REV3L: variants seen among roughly 807,000 people sequenced by gnomAD.
REV3L encodes the protein DNA polymerase zeta catalytic subunit.
A neutral mutation model predicts 299.4 loss-of-function variants in REV3L; 69 were observed. That is an observed-to-expected ratio of 0.23 (90% CI 0.19 to 0.28). The LOEUF (loss-of-function observed/expected upper bound fraction) is 0.28. REV3L is among the 10% of genes least tolerant of loss of function. The probability of loss-of-function intolerance (pLI) is 1.00; values close to 1 mark genes in which losing one functional copy is unlikely to be tolerated. For synonymous variants in REV3L, 1,238 were observed against 1,271.4 expected, an observed-to-expected ratio of 0.97 and a Z score of 0.56; for missense variants, 3,128 against 3,693.8, an observed-to-expected ratio of 0.85 and a Z score of 3.97.
At chr6:111,316,702 T>C (rs1400377513) in intron 26 of REV3L, among the ~76,000 whole-genome samples, 1 of 151,724 alleles carries the variant, frequency 6.6e-6, no homozygotes, top group African/African-American at 2.4e-5. Context: ...AGACATATAT[T>C]CTGTAATGTA....
chr6:111,374,309 T>C lies in REV3L; in HGVS notation c.4046A>G (p.Lys1349Arg), dbSNP rs780017917. The change falls in exon 13 of 32, where the codon AAG becomes AGG. Residue 1349 changes from lysine to arginine, a missense_variant. Lys to Arg is a conservative substitution (Grantham distance 26). Coordinates refer to ENST00000368802, the MANE Select transcript of REV3L (RefSeq NM_001372078.1). The stretch of plus-strand genomic sequence containing the variant: ...ATTTTTTTGAATTAACGTTGATTCC[T>C]TTAGAGTAAACATAGCACTTTGATT... ...PHNQSAMFTLKESTLIQKNIF... is the reference protein window; with the variant it reads ...PHNQSAMFTLRESTLIQKNIF... 1.2e-6 allele frequency: 2 copies of C among 1,614,016 alleles called. No homozygotes were observed. Among genetic ancestry groups the C allele is most frequent in the Non-Finnish European group, 1.7e-6 (2 of 1,179,940 alleles).
At chr6:111,431,361 A>C in intron 1 of REV3L, 1 of 993,262 alleles carries the variant, frequency 1.0e-6, no homozygotes, top group Non-Finnish European at 1.6e-6. Flanking sequence ...CTGGACTCCA[A>C]TACTTCAAGA....
intron 1 of REV3L, among the ~76,000 whole-genome samples, chr6:111,472,738 T>A (rs1044192048): frequency 6.6e-6 from 1 of 152,062 alleles, no homozygotes; most frequent in African/African-American, 2.4e-5. Flanking sequence ...AATGAAATAT[T>A]TAAAAACCCA....
At chr6:111,387,631 G>T in intron 9 of REV3L, 134 bp downstream of exon 9, 1 of 756,486 alleles carries the variant, frequency 1.3e-6, no homozygotes, top group Non-Finnish European at 2.1e-6. Context: ...TGACAGAATG[G>T]GAGAAATTTT....
chr6:111,412,087 A>G (rs1784307129), intron 2 of REV3L: 1 of 984,984 alleles, frequency 1.0e-6, no homozygotes, highest in Non-Finnish European at 1.2e-6. Flanking sequence ...ATTATTTTAT[A>G]AGTTCAATAA....
intron 1 of REV3L, among the ~76,000 whole-genome samples, chr6:111,473,656 G>A (rs1033065856): frequency 6.6e-6 from 1 of 151,934 alleles, no homozygotes; most frequent in African/African-American, 2.4e-5. Context: ...ATTAGATACA[G>A]TAGGGTCTCA....
At chr6:111,319,358 G>C (rs1773881817) in intron 26 of REV3L, among the ~76,000 whole-genome samples, 1 of 152,096 alleles carries the variant, frequency 6.6e-6, no homozygotes, top group Non-Finnish European at 1.5e-5. Context: ...CTACTCAGGA[G>C]GCTGAGGCAG....
chr6:111,463,794 T>C (rs760485333), intron 1 of REV3L, among the ~76,000 whole-genome samples: 1 of 152,228 alleles, frequency 6.6e-6, no homozygotes, highest in African/African-American at 2.4e-5. Flanking sequence ...TCCAAGAACC[T>C]GTCATGGACA....
At chr6:111,432,035 C>A (rs938297879) in intron 1 of REV3L, among the ~76,000 whole-genome samples, 12 of 151,944 alleles carry the variant, frequency 7.9e-5, no homozygotes, top group African/African-American at 2.9e-4. Flanking sequence ...TCATGGTTAC[C>A]ACAATGCAAA....
intron 22 of REV3L, among the ~76,000 whole-genome samples, chr6:111,333,949 T>C (rs1775656860): frequency 6.6e-6 from 1 of 152,200 alleles, no homozygotes; most frequent in African/African-American, 2.4e-5. Context: ...TATTTACTTA[T>C]TTATTTTGAG....
intron 1 of REV3L, among the ~76,000 whole-genome samples, chr6:111,461,072 T>A (rs1790714264): frequency 6.6e-6 from 1 of 152,132 alleles, no homozygotes; most frequent in East Asian, 1.9e-4. Context: ...TTATCATTAT[T>A]TTAGAATGTA....
intron 31 of REV3L, among the ~76,000 whole-genome samples, chr6:111,305,188 G>A (rs551510529): frequency 5.9e-4 from 89 of 152,094 alleles, no homozygotes; most frequent in Admixed American, 2.4e-3. Flanking sequence ...TGATCCGCCC[G>A]CCTCGGCCTC....
At chr6:111,365,397 G>GT in intron 14 of REV3L, 53 bp from the exon 15 acceptor site, 1 of 1,078,138 alleles carries the variant, frequency 9.3e-7, no homozygotes, top group Non-Finnish European at 1.3e-6. Flanking sequence ...CCTGCTTCTG[G>GT]TTTTTAAAAA....
At chr6:111,402,621 T>G (rs948583566) in intron 4 of REV3L, among the ~76,000 whole-genome samples, 1 of 152,206 alleles carries the variant, frequency 6.6e-6, no homozygotes, top group African/African-American at 2.4e-5. Context: ...TAGCCCACTA[T>G]TCACGGCAAC....
rs769561789 is a variant in REV3L at position 111,374,255 on chromosome 6, T to C, written c.4100A>G (p.Gln1367Arg). 14 of 1,613,234 alleles carry C rather than the reference T, an allele frequency of 8.7e-6. 1 individual carries two copies. In the South Asian group the frequency reaches 1.5e-4, roughly 18 times the overall value. The change falls in exon 13 of 32, where the codon CAG (glutamine) becomes CGG (arginine). Residue 1367 changes from glutamine (Q) to arginine (R), a missense_variant. Physicochemically the swap from Gln to Arg is conservative, Grantham distance 43. Transcript: ENST00000368802. ...AGATATCTGTGTATTCTGTGCTACCTGAGATAAATGATTGGAAAGGTCAAA... is the reference window on the plus strand; with the variant it reads ...AGATATCTGTGTATTCTGTGCTACCCGAGATAAATGATTGGAAAGGTCAAA... ...NIFDLSNHLS[Q>R]VAQNTQISSG... is the part of the protein sequence containing the mutation.
intron 1 of REV3L, chr6:111,430,394 C>T (rs1469041958): frequency 7.5e-7 from 1 of 1,329,542 alleles, no homozygotes; most frequent in Admixed American, 1.7e-5. Context: ...ACAATGACTA[C>T]CAGTCCATAG....
At chr6:111,356,397 AT>A (rs1352347152) in intron 18 of REV3L, among the ~76,000 whole-genome samples, 1 of 151,996 alleles carries the variant, frequency 6.6e-6, no homozygotes, top group Non-Finnish European at 1.5e-5. Flanking sequence ...TTTGTTAAAA[AT>A]TTTTTTTCAT....
Position 111,456,714 on chromosome 6 carries a change from A to G in REV3L, c.139+26036T>C, listed in dbSNP as rs192858065. Among the ~76,000 whole-genome samples the G allele has an allele frequency of 2.2e-3, 331 of 152,304 alleles. 1 individual carries two copies. Among genetic ancestry groups the G allele is most frequent in the African/African-American group, 7.5e-3 (312 of 41,576 alleles). ...CAATATTAAACTTCAGATTTCAAATATAAGGTTTTCTATGATTAAACTTTT... is the reference window on the plus strand; with the variant it reads ...CAATATTAAACTTCAGATTTCAAATGTAAGGTTTTCTATGATTAAACTTTT... On this transcript the variant is annotated intron_variant, in intron 1 of 31. Coordinates refer to ENST00000368802, the MANE Select transcript of REV3L (RefSeq NM_001372078.1).
chr6:111,466,199 GA>G (rs1294464112), intron 1 of REV3L, among the ~76,000 whole-genome samples: 2 of 151,990 alleles, frequency 1.3e-5, no homozygotes, highest in African/African-American at 2.4e-5. Context: ...GAAGTATTGG[GA>G]AAAAAACCTG....
Sources: allele counts gnomAD v4.1 joint callset (sites outside exome capture counted in the v4.1 genomes callset), GRCh38; gene constraint gnomAD v4.1.1; transcripts MANE v1.5; gene names NCBI Gene and HGNC (gene_info 2026-07-23, HGNC 2026-07-21).